SHC4: variants seen among roughly 807,000 people sequenced by gnomAD.
SHC4 encodes the protein SHC-transforming protein 4.
A neutral mutation model predicts 69.4 loss-of-function variants in SHC4; 41 were observed. That is an observed-to-expected ratio of 0.59 (90% confidence interval 0.46 to 0.77). SHC4 has a LOEUF of 0.77. Among genes scored for constraint, SHC4 ranks in the 30% least tolerant of loss-of-function variants. The pLI, the probability that SHC4 is intolerant of heterozygous loss-of-function variation, is 0.00. For synonymous variants in SHC4, 318 were observed against 299.3 expected (o/e 1.06, Z -0.64); for missense variants, 777 against 783.8 (o/e 0.99, Z 0.10).
At chr15:48,873,782 T>TG (rs1899742016) in intron 4 of SHC4, among the ~76,000 whole-genome samples, 1 of 152,154 alleles carries the variant, frequency 6.6e-6, no homozygotes, top group Non-Finnish European at 1.5e-5. Flanking sequence ...CACTGTATTT[T>TG]GGGGAGAAAG....
At chr15:48,946,652 T>A in intron 1 of SHC4, 1 of 932,938 alleles carries the variant, frequency 1.1e-6, no homozygotes, top group Non-Finnish European at 1.3e-6. Flanking sequence ...TGGATGGCTG[T>A]TCCCCATTCC....
At chr15:48,888,599 AG>A (rs1900079315) in intron 3 of SHC4, among the ~76,000 whole-genome samples, 1 of 152,232 alleles carries the variant, frequency 6.6e-6, no homozygotes, top group South Asian at 2.1e-4. Context: ...ACACTTAAAA[AG>A]GGTTAAGATG....
chr15:48,891,511 A>G (rs1442911671), intron 2 of SHC4, among the ~76,000 whole-genome samples: 8 of 152,224 alleles, frequency 5.3e-5, no homozygotes, highest in Admixed American at 3.3e-4. Context: ...CTTTCCAGAA[A>G]TGCAGTTATA....
chr15:48,893,837 G>T (rs1220392117), intron 2 of SHC4, among the ~76,000 whole-genome samples: 6 of 152,210 alleles, frequency 3.9e-5, no homozygotes, highest in Admixed American at 3.3e-4. Flanking sequence ...CACAGGTGGG[G>T]CGTGGTGGCA....
chr15:48,876,561 C>A, intron 4 of SHC4: 1 of 688,516 alleles, frequency 1.5e-6, no homozygotes, highest in Non-Finnish European at 2.6e-6. Flanking sequence ...ATCACAAGGT[C>A]CTACAATAGG....
At chr15:48,901,211 T>A (rs1595750647) in intron 2 of SHC4, among the ~76,000 whole-genome samples, 1 of 152,332 alleles carries the variant, frequency 6.6e-6, no homozygotes, top group African/African-American at 2.4e-5. Flanking sequence ...GGATTTGGCC[T>A]GCAGGCTGTT....
At chr15:48,875,490 C>T (rs930959718) in intron 4 of SHC4, among the ~76,000 whole-genome samples, 9 of 152,206 alleles carry the variant, frequency 5.9e-5, no homozygotes, top group African/African-American at 1.9e-4. Context: ...CAAAAGGTGG[C>T]ATGTGTTCCT....
chr15:48,962,814 G>T lies in SHC4; in HGVS notation c.202C>A (p.Pro68Thr), dbSNP rs778571483. The change falls in exon 1 of 12, where the codon CCG becomes ACG. Residue 68 changes from proline to threonine, a missense_variant. Physicochemically the swap from Pro to Thr is conservative, Grantham distance 38. Transcript: ENST00000332408. ...GACGGCAAGGTGGCATCTTCAGTCG[G>T]CAGGTGAGGTGCCAGGGCGGGGTGG... Reference protein sequence around the residue: ...PPHPALAPHLPTEDATLPSQE... With the variant: ...PPHPALAPHLTTEDATLPSQE... 1.2e-6 allele frequency: 2 copies of T among 1,612,498 alleles called. No homozygotes were observed. The highest frequency in any genetic ancestry group is 1.7e-6 in the Non-Finnish European group (2 of 1,179,892).
intron 8 of SHC4, among the ~76,000 whole-genome samples, chr15:48,853,488 C>T (rs1288264806): frequency 1.3e-5 from 2 of 152,026 alleles, no homozygotes; most frequent in African/African-American, 4.8e-5. Flanking sequence ...TACCCAAAAA[C>T]AGTTGGTTCA....
At chr15:48,916,559 CA>C (rs35709723) in intron 2 of SHC4, among the ~76,000 whole-genome samples, 35 of 136,820 alleles carry the variant, frequency 2.6e-4, no homozygotes, top group Middle Eastern at 3.7e-3. Flanking sequence ...AGCATCAGTT[CA>C]AAAAAAAAAA....
intron 2 of SHC4, among the ~76,000 whole-genome samples, chr15:48,891,756 A>G (rs1025336805): frequency 6.6e-6 from 1 of 152,212 alleles, no homozygotes; most frequent in African/African-American, 2.4e-5. Flanking sequence ...TTTTATATAT[A>G]TTATATTTCA....
intron 9 of SHC4, among the ~76,000 whole-genome samples, chr15:48,846,142 G>T (rs1899087691): frequency 6.6e-6 from 1 of 152,134 alleles, no homozygotes; most frequent in Admixed American, 6.5e-5. Context: ...GGGATTACAG[G>T]TGTGAGCTAC....
At chr15:48,830,657 T>C (rs952712342) in intron 11 of SHC4, among the ~76,000 whole-genome samples, 1 of 152,348 alleles carries the variant, frequency 6.6e-6, no homozygotes, top group East Asian at 1.9e-4. Context: ...CAGAAGCTTT[T>C]TCAGACCTTA....
intron 3 of SHC4, among the ~76,000 whole-genome samples, chr15:48,889,433 G>C (rs1204443893): frequency 6.6e-6 from 1 of 152,204 alleles, no homozygotes; most frequent in Non-Finnish European, 1.5e-5. Flanking sequence ...TGAAGACTTG[G>C]CTTCTACAGC....
At chr15:48,888,331 G>A (rs2141004543) in intron 3 of SHC4, among the ~76,000 whole-genome samples, 1 of 152,246 alleles carries the variant, frequency 6.6e-6, no homozygotes, top group African/African-American at 2.4e-5. Flanking sequence ...TGAACCTTGA[G>A]GACATTATGC....
chr15:48,928,680 T>C (rs1900900082), intron 1 of SHC4, among the ~76,000 whole-genome samples: 1 of 152,182 alleles, frequency 6.6e-6, no homozygotes, highest in African/African-American at 2.4e-5. Flanking sequence ...AACCACCTTA[T>C]CTGCTTCGGA....
At chr15:48,877,558 G>T (rs1899832288) in intron 4 of SHC4, 2 of 983,732 alleles carry the variant, frequency 2.0e-6, no homozygotes, top group Non-Finnish European at 2.4e-6. Flanking sequence ...AGAATTCAAA[G>T]AATACACACC....
At chr15:48,934,883 AG>A (rs1901038358) in intron 1 of SHC4, among the ~76,000 whole-genome samples, 1 of 152,242 alleles carries the variant, frequency 6.6e-6, no homozygotes, top group African/African-American at 2.4e-5. Context: ...TGAAATGTCC[AG>A]AATAGACAAA....
At chr15:48,941,699 T>C (rs889105463) in intron 1 of SHC4, among the ~76,000 whole-genome samples, 1 of 152,198 alleles carries the variant, frequency 6.6e-6, no homozygotes, top group Non-Finnish European at 1.5e-5. Flanking sequence ...ACTTTGAAAG[T>C]TGAAGATACA....
Sources: gnomAD v4.1 joint callset for allele counts (sites outside exome capture counted in the v4.1 genomes callset) on GRCh38, gnomAD v4.1.1 for gene constraint, MANE v1.5 for transcripts, NCBI Gene and HGNC (gene_info 2026-07-23, HGNC 2026-07-21) for gene names.